The following RFX6 variants were observed in gnomAD, a reference collection of about 807,000 sequenced individuals.
RFX6 encodes DNA-binding protein RFX6.
Under a neutral mutation model 110.8 loss-of-function variants are expected in RFX6, and 50 were observed. The observed-to-expected ratio is 0.45, with a 90% CI of 0.36 to 0.57. RFX6 has a LOEUF of 0.57. Among genes scored for constraint, RFX6 ranks in the 20% least tolerant of loss-of-function variants. The pLI is 0.00. For synonymous variants in RFX6, 383 were observed against 411.2 expected (o/e 0.93, Z 0.83); for missense variants, 990 against 1,127.0 (o/e 0.88, Z 1.74).
chr6:116,907,080 G>T (rs115241120), intron 6 of RFX6, among the ~76,000 whole-genome samples: 2,687 of 151,932 alleles, frequency 0.018, 62 homozygotes, highest in African/African-American at 0.062. Flanking sequence ...ATCATGAAAG[G>T]ATATGGAATT....
intron 2 of RFX6, among the ~76,000 whole-genome samples, chr6:116,878,618 A>C (rs1244952523): frequency 1.3e-5 from 2 of 152,006 alleles, no homozygotes; most frequent in African/African-American, 4.8e-5. Flanking sequence ...ATCTAAAAGA[A>C]AGACGGCTCT....
In RFX6 at chr6:116,877,871, C is replaced by A. The variant is rs759487892; in HGVS notation, c.299C>A (p.Ala100Glu). 4.3e-6 allele frequency: 7 copies of A among 1,614,018 alleles called. No homozygotes were observed. The highest frequency in any genetic ancestry group is 1.1e-5 in the South Asian group (1 of 91,078). Residue 100 changes from alanine (A) to glutamate (E), a missense_variant, in exon 2 of 19, where the codon GCG (alanine) becomes GAG (glutamate). Coordinates refer to ENST00000332958, the MANE Select transcript of RFX6 (RefSeq NM_173560.4). ...AACCACGACAGCAAAACCAAAGCAG[C>A]GGATCAATACCTGTCTCAGAAGAAA... ...ADNHDSKTKA[A>E]DQYLSQKKTI...
intron 10 of RFX6, 105 bp downstream of exon 10, chr6:116,918,191 A>T: frequency 1.2e-6 from 1 of 869,000 alleles, no homozygotes; most frequent in Non-Finnish European, 1.9e-6. Context: ...TATCAAGAAG[A>T]CTATTTTCTA....
intron 15 of RFX6, 68 bp downstream of exon 15, chr6:116,924,859 G>A: frequency 8.6e-7 from 1 of 1,159,358 alleles, no homozygotes; most frequent in Non-Finnish European, 1.3e-6. Flanking sequence ...GAATTTATAA[G>A]TTCAGATATT....
chr6:116,918,340 C>T (rs1250349205), intron 10 of RFX6, among the ~76,000 whole-genome samples: 6 of 151,372 alleles, frequency 4.0e-5, no homozygotes, highest in African/African-American at 9.7e-5. Flanking sequence ...TGTTGATCTT[C>T]GAGAAATTTT....
chr6:116,910,917 C>A lies in RFX6; in HGVS notation c.673-18C>A, dbSNP rs1162543838. Reference sequence around the variant, plus strand: ...TAGTTGATAATGATGTATTTGTTTTCATTTTTCTAAATTATAGGGTGGCTT... The same window carrying A: ...TAGTTGATAATGATGTATTTGTTTTAATTTTTCTAAATTATAGGGTGGCTT... On this transcript the variant is annotated intron_variant, in intron 6 of 18. Transcript: ENST00000332958. 6.4e-7 allele frequency: 1 copy of A among 1,557,822 alleles called. No individual in the cohort carries two copies. Among genetic ancestry groups the A allele is most frequent in the South Asian group, 1.1e-5 (1 of 89,978 alleles).
At chr6:116,920,595 A>G (rs1207594629) in intron 12 of RFX6, 141 bp downstream of exon 12, 1 of 723,298 alleles carries the variant, frequency 1.4e-6, no homozygotes, top group Non-Finnish European at 2.4e-6. Context: ...CCATTAGATG[A>G]CAGTAGCAGC....
chr6:116,929,490 T>C (rs1422667251), intron 18 of RFX6, among the ~76,000 whole-genome samples: 5 of 152,096 alleles, frequency 3.3e-5, no homozygotes, highest in African/African-American at 1.2e-4. Flanking sequence ...CTGTAGAAAA[T>C]GTTGCCATTT....
rs545589201 is a variant in RFX6, at chr6:116,903,598, T to C, written c.673-7337T>C. Among the ~76,000 whole-genome samples the C allele has an allele frequency of 6.6e-5, 10 of 152,142 alleles. No homozygotes were observed. In the South Asian group the frequency reaches 1.9e-3, roughly 28 times the overall value. On this transcript the variant is annotated intron_variant, in intron 6 of 18. Coordinates refer to ENST00000332958, the MANE Select transcript of RFX6 (RefSeq NM_173560.4). ...TCAGAAGTTACCACTCTCCAGAATA[T>C]GGTGTTACTGTTTGTTTTTCTGTAA...
intron 6 of RFX6, among the ~76,000 whole-genome samples, chr6:116,903,334 TGA>T (rs1475208825): frequency 6.6e-6 from 1 of 152,046 alleles, no homozygotes; most frequent in Non-Finnish European, 1.5e-5. Context: ...TTTACCAATA[TGA>T]GAGTTTTTAA....
Position 116,880,610 on chromosome 6 carries a change from C to T in RFX6, c.447C>T (p.Tyr149=). The T allele has an allele frequency of 6.2e-7, 1 of 1,612,958 alleles. No homozygotes were observed. The highest frequency in any genetic ancestry group is 2.2e-5 in the East Asian group (1 of 44,858). The change falls in exon 3 of 19, where the codon TAC becomes TAT. Residue 149 remains tyrosine, a synonymous_variant. Coordinates refer to ENST00000332958, the MANE Select transcript of RFX6 (RefSeq NM_173560.4). ...CLPRCILYAH[Y]LDFCRKEKLE... ...CACGGTGCATTCTTTATGCACACTA[C>T]TTAGATTTCTGTAGGAAAGAGAAAT...
intron 6 of RFX6, among the ~76,000 whole-genome samples, chr6:116,907,027 G>A (rs1430605880): frequency 1.3e-5 from 2 of 151,816 alleles, no homozygotes; most frequent in African/African-American, 4.8e-5. Flanking sequence ...CTTTTATTAT[G>A]TTGAGGTGGT....
intron 18 of RFX6, 79 bp downstream of exon 18, chr6:116,929,050 T>C (rs990992298): frequency 2.0e-5 from 18 of 913,454 alleles, no homozygotes; most frequent in African/African-American, 1.5e-4. Flanking sequence ...GAGGGAGATA[T>C]GCTGAGGTGA....
chr6:116,931,616 C>A lies in RFX6; in HGVS notation c.*110C>A. 1.2e-6 allele frequency: 1 copy of A among 822,452 alleles called. No individual in the cohort carries two copies. The highest frequency in any genetic ancestry group is 1.9e-6 in the Non-Finnish European group (1 of 513,598). 50.9% of individuals were successfully genotyped at this position (822,452 alleles called of 1,614,324 possible). A position where few individuals can be genotyped will look rare whatever the true frequency, so the allele number is the denominator to read the frequency against. On this transcript the variant is annotated 3_prime_UTR_variant, in exon 19 of 19. Coordinates refer to ENST00000332958, the MANE Select transcript of RFX6 (RefSeq NM_173560.4). ...GTAAATAAAAATGAATATGCAGTGG[C>A]TGACATTGTTTTAAAGTCACTGGTA...
intron 14 of RFX6, chr6:116,923,511 T>C (rs1775646740): frequency 2.4e-6 from 1 of 420,808 alleles, no homozygotes; most frequent in Non-Finnish European, 4.4e-6. Context: ...AGATGATGTA[T>C]ATAAAAACAA....
intron 2 of RFX6, among the ~76,000 whole-genome samples, chr6:116,879,662 T>C (rs1774545788): frequency 6.6e-6 from 1 of 151,928 alleles, no homozygotes; most frequent in African/African-American, 2.4e-5. Flanking sequence ...ATAAATATTA[T>C]CTTACTATAC....
At position 116,927,299 on chromosome 6, in the gene RFX6, C is replaced by T; in HGVS notation, c.2158C>T (p.His720Tyr). 1.9e-6 allele frequency: 3 copies of T among 1,614,210 alleles called. No individual in the cohort carries two copies. The South Asian group carries it at 3.3e-5, about 18-fold the overall frequency. The change falls in exon 17 of 19, where the codon CAT becomes TAT. Residue 720 changes from histidine (H) to tyrosine (Y), a missense_variant. Physicochemically the swap from His to Tyr is moderately conservative, Grantham distance 83. This residue lies in a region of RFX6 where 438 missense variants were observed against 441.9 expected (regional missense o/e 0.99). Coordinates refer to ENST00000332958, the MANE Select transcript of RFX6 (RefSeq NM_173560.4). ...CCACTCCACATCAGGACTCTATCCT[C>T]ATCACACCGAGCATGGTCGATGCAT... ...QPHSTSGLYPHHTEHGRCMAW... is the reference protein window; with the variant it reads ...QPHSTSGLYPYHTEHGRCMAW...
intron 9 of RFX6, among the ~76,000 whole-genome samples, chr6:116,917,047 C>T (rs749501918): frequency 3.9e-5 from 6 of 152,046 alleles, no homozygotes; most frequent in Non-Finnish European, 5.9e-5. Context: ...CCAAGCTGGA[C>T]GCTGTTAAAC....
intron 12 of RFX6, 51 bp from the exon 13 acceptor site, chr6:116,921,991 A>G: frequency 2.4e-6 from 2 of 826,974 alleles, no homozygotes; most frequent in African/African-American, 1.7e-5. Context: ...TTCCAAGTAG[A>G]GTACAATATT....
Sources: allele counts gnomAD v4.1 joint callset (sites outside exome capture counted in the v4.1 genomes callset), GRCh38; gene constraint gnomAD v4.1.1; regional missense constraint gnomAD v4.1.1; transcripts MANE v1.5; gene names NCBI Gene and HGNC (gene_info 2026-07-23, HGNC 2026-07-21).